CDK14: variants seen among roughly 807,000 people sequenced by gnomAD.
The protein encoded by CDK14 is cyclin-dependent kinase 14.
In CDK14, 34 loss-of-function variants were observed where a neutral mutation model predicts 60.7. The observed-to-expected ratio is 0.56, with a 90% CI of 0.43 to 0.75. The LOEUF is 0.75. Among genes scored for constraint, CDK14 ranks in the 30% least tolerant of loss-of-function variants. The pLI is 0.00. For missense variants in CDK14, 482 were observed against 564.1 expected (o/e 0.85, Z 1.47); for synonymous variants, 197 against 203.7 (o/e 0.97, Z 0.28).
chr7:90,693,213 T>C lies in CDK14; in HGVS notation c.124-33354T>C, dbSNP rs140847923. Among the ~76,000 whole-genome samples, 63 of 152,280 alleles carry C rather than the reference T, an allele frequency of 4.1e-4. 1 individual carries two copies. The East Asian group carries it at 0.012, about 29-fold the overall frequency. ...AGAATACTTCTGTGGAATGTAAATA[T>C]TAAGATTGATGTCTAAAGGTCATTT... is the stretch of plus-strand genomic sequence containing the variant. On this transcript the variant is annotated intron_variant, in intron 2 of 14. Transcript: ENST00000380050.
intron 14 of CDK14, among the ~76,000 whole-genome samples, chr7:91,138,942 A>G (rs1281434496): frequency 6.6e-6 from 1 of 152,134 alleles, no homozygotes; most frequent in African/African-American, 2.4e-5. Context: ...CTGCTTCTCT[A>G]GTCCATGTGA....
In CDK14 at chr7:90,812,356, C is replaced by G. The variant is rs1282938113; in HGVS notation, c.544+21704C>G. 2.0e-5 allele frequency among the ~76,000 whole-genome samples: 3 copies of G among 152,070 alleles called. No individual in the cohort carries two copies. The East Asian group carries it at 5.8e-4, about 29-fold the overall frequency. On this transcript the variant is annotated intron_variant, in intron 5 of 14. Transcript: ENST00000380050. ...GCTGGAAACCATCATTCTCAGCAAACTATCGCAAGGACAAAAAACCAAACA... is the reference window on the plus strand; with the variant it reads ...GCTGGAAACCATCATTCTCAGCAAAGTATCGCAAGGACAAAAAACCAAACA...
intron 13 of CDK14, among the ~76,000 whole-genome samples, chr7:91,115,751 C>G (rs946282108): frequency 6.6e-6 from 1 of 152,182 alleles, no homozygotes; most frequent in African/African-American, 2.4e-5. Flanking sequence ...CTGAGTAACA[C>G]AGAGCCCTGC....
Position 90,863,203 on chromosome 7 carries a change from T to A in CDK14, c.573T>A (p.Ala191=). The A allele has an allele frequency of 6.2e-7, 1 of 1,608,722 alleles. No individual in the cohort carries two copies. Among genetic ancestry groups the A allele is most frequent in the South Asian group, 1.1e-5 (1 of 90,644 alleles). Residue 191 remains alanine, a synonymous_variant, in exon 6 of 15, where the codon GCT becomes GCA. Coordinates refer to ENST00000380050, the MANE Select transcript of CDK14 (RefSeq NM_001287135.2). ...CTCTTTTAAAAGGACTAAAACATGC[T>A]AACATAGTGCTACTTCATGACATCA... ...EASLLKGLKH[A]NIVLLHDIIH...
chr7:90,754,374 T>C (rs1803971824), intron 4 of CDK14, among the ~76,000 whole-genome samples: 1 of 152,176 alleles, frequency 6.6e-6, no homozygotes, highest in Non-Finnish European at 1.5e-5. Flanking sequence ...AAATAAGTGA[T>C]GGGGAAAGGA....
At chr7:90,918,800 TA>T (rs1420848912) in intron 8 of CDK14, among the ~76,000 whole-genome samples, 2 of 152,230 alleles carry the variant, frequency 1.3e-5, no homozygotes, top group Non-Finnish European at 2.9e-5. Flanking sequence ...TCAAGGTTAG[TA>T]GACTGTTGAA....
intron 10 of CDK14, among the ~76,000 whole-genome samples, chr7:91,010,827 TCCTTCCTC>T (rs1470668385): frequency 1.3e-3 from 95 of 72,074 alleles, no homozygotes; most frequent in East Asian, 1.8e-3. Context: ...CTTCCTTCCT[TCCTTCCTC>T]CCTCCCTCCC....
chr7:90,747,301 A>G (rs1001277137), intron 3 of CDK14, among the ~76,000 whole-genome samples: 5 of 152,186 alleles, frequency 3.3e-5, no homozygotes, highest in Admixed American at 2.0e-4. Flanking sequence ...AGATGGTATA[A>G]TAACATGTAA....
chr7:91,046,682 T>C (rs1317499229), intron 11 of CDK14, among the ~76,000 whole-genome samples: 2 of 152,022 alleles, frequency 1.3e-5, no homozygotes, highest in Non-Finnish European at 2.9e-5. Flanking sequence ...ATTCTCTTGC[T>C]GGTTGTTGTG....
chr7:90,648,089 C>G (rs1338151420), intron 2 of CDK14, among the ~76,000 whole-genome samples: 1 of 152,116 alleles, frequency 6.6e-6, no homozygotes, highest in East Asian at 1.9e-4. Flanking sequence ...AACATCTGTT[C>G]TCTCACAGAG....
At chr7:91,033,526 G>A (rs981027055) in intron 10 of CDK14, among the ~76,000 whole-genome samples, 2 of 152,176 alleles carry the variant, frequency 1.3e-5, no homozygotes, top group African/African-American at 4.8e-5. Flanking sequence ...TTCTTCATGA[G>A]CTGTAGATTC....
At chr7:90,824,669 T>C (rs568930593) in intron 5 of CDK14, 10 of 152,326 alleles carry the variant, frequency 6.6e-5, no homozygotes, top group African/African-American at 2.2e-4. Context: ...CCTTAAAATA[T>C]CCTTAAACAG....
intron 10 of CDK14, among the ~76,000 whole-genome samples, chr7:91,037,204 C>A (rs1022474569): frequency 6.6e-6 from 1 of 152,238 alleles, no homozygotes; most frequent in African/African-American, 2.4e-5. Context: ...GTTGTTCATG[C>A]CTTATTAAAT....
Position 90,863,197 on chromosome 7 carries a change from A to T in CDK14, c.567A>T (p.Lys189Asn). The T allele has an allele frequency of 6.2e-7, 1 of 1,606,638 alleles. No individual in the cohort carries two copies. The highest frequency in any genetic ancestry group is 8.5e-7 in the Non-Finnish European group (1 of 1,174,778). ...IREASLLKGL[K>N]HANIVLLHDI... ...CAGCTTCTCTTTTAAAAGGACTAAAACATGCTAACATAGTGCTACTTCATG... is the reference window on the plus strand; with the variant it reads ...CAGCTTCTCTTTTAAAAGGACTAAATCATGCTAACATAGTGCTACTTCATG... The change falls in exon 6 of 15, where the codon AAA becomes AAT. Residue 189 changes from lysine to asparagine, a missense_variant. By Grantham distance (94) the Lys-to-Asn change is moderately conservative. Transcript: ENST00000380050.
chr7:91,113,998 G>A (rs1799541981), intron 13 of CDK14, among the ~76,000 whole-genome samples: 1 of 152,046 alleles, frequency 6.6e-6, no homozygotes. Context: ...TATTACAACA[G>A]CTATCCTCAA....
intron 14 of CDK14, among the ~76,000 whole-genome samples, chr7:91,168,601 C>T (rs930733178): frequency 2.0e-5 from 3 of 152,058 alleles, no homozygotes; most frequent in African/African-American, 7.2e-5. Context: ...AGAAATTAAA[C>T]AATAGGTAAT....
intron 2 of CDK14, among the ~76,000 whole-genome samples, chr7:90,716,954 G>T (rs1802269904): frequency 1.3e-5 from 2 of 152,126 alleles, no homozygotes; most frequent in South Asian, 4.1e-4. Flanking sequence ...AACTGCAGTG[G>T]GTCTGAGATC....
At chr7:90,986,658 G>A (rs3808274) in intron 10 of CDK14, among the ~76,000 whole-genome samples, 4,143 of 151,784 alleles carry the variant, frequency 0.027, 187 homozygotes, top group East Asian at 0.18. Flanking sequence ...CATATATTTT[G>A]TATTGACAAA....
rs1792414846 is a variant in CDK14 at position 90,898,847 on chromosome 7, C to T, written c.640-444C>T. 2.0e-5 allele frequency among the ~76,000 whole-genome samples: 3 copies of T among 151,870 alleles called. No individual in the cohort carries two copies. In the South Asian group the frequency reaches 6.2e-4, roughly 32 times the overall value. Reference sequence around the variant, plus strand: ...CTGAATATGGACATAAAGATAAGTCCAGTGATTAATTTTACTAGTAGAATA... The same window carrying T: ...CTGAATATGGACATAAAGATAAGTCTAGTGATTAATTTTACTAGTAGAATA... On this transcript the variant is annotated intron_variant, in intron 6 of 14. Coordinates refer to ENST00000380050, the MANE Select transcript of CDK14 (RefSeq NM_001287135.2).
Sources: allele counts gnomAD v4.1 joint callset (sites outside exome capture counted in the v4.1 genomes callset), GRCh38; gene constraint gnomAD v4.1.1; transcripts MANE v1.5; gene names NCBI Gene and HGNC (gene_info 2026-07-23, HGNC 2026-07-21).